Variants in HM13 observed in about 807,000 individuals in gnomAD.
HM13 encodes the protein histocompatibility minor 13.
A neutral mutation model predicts 50.0 loss-of-function variants in HM13; 18 were observed. The ratio of observed to expected loss-of-function variants is 0.36; its 90% CI spans 0.25 to 0.53. HM13 has a LOEUF of 0.53. HM13 is among the 20% of genes least tolerant of loss of function. The pLI, the probability that HM13 is intolerant of heterozygous loss-of-function variation, is 0.90. For missense variants in HM13, 393 were observed against 552.4 expected (o/e 0.71, Z 2.89); for synonymous variants, 197 against 232.6 (o/e 0.85, Z 1.39).
intron 1 of HM13, among the ~76,000 whole-genome samples, chr20:31,518,310 C>T (rs571584097): frequency 4.0e-5 from 6 of 150,814 alleles, no homozygotes; most frequent in South Asian, 4.3e-4. Flanking sequence ...GCTGGGACTA[C>T]AGGCATGAGC....
chr20:31,524,378 G>T (rs1196536402), intron 1 of HM13, among the ~76,000 whole-genome samples: 1 of 152,210 alleles, frequency 6.6e-6, no homozygotes, highest in South Asian at 2.1e-4. Flanking sequence ...TACACTTTAT[G>T]TGTAGCATTT....
At chr20:31,533,971 C>T (rs1314869401) in intron 2 of HM13, among the ~76,000 whole-genome samples, 3 of 152,112 alleles carry the variant, frequency 2.0e-5, no homozygotes, top group Non-Finnish European at 4.4e-5. Flanking sequence ...CTTTAAACTC[C>T]CAGGCTCAGT....
At chr20:31,543,392 TCTC>T (rs1487881030) in intron 3 of HM13, among the ~76,000 whole-genome samples, 4 of 152,022 alleles carry the variant, frequency 2.6e-5, no homozygotes, top group African/African-American at 7.2e-5. Context: ...TTCAAGCAAT[TCTC>T]CTGCCTCAGG....
chr20:31,524,027 G>A (rs531198281), intron 1 of HM13, among the ~76,000 whole-genome samples: 1 of 152,108 alleles, frequency 6.6e-6, no homozygotes, highest in African/African-American at 2.4e-5. Context: ...CCCAATACAG[G>A]CACAGTACTT....
At chr20:31,550,999 T>C (rs1984009328) in intron 7 of HM13, among the ~76,000 whole-genome samples, 1 of 152,200 alleles carries the variant, frequency 6.6e-6, no homozygotes, top group Admixed American at 6.5e-5. Context: ...TATGTATAAA[T>C]ATATATGTGT....
chr20:31,557,703 C>CTTTTTTTTTTTTTTTTTTTTTT (rs1180267680), intron 8 of HM13, among the ~76,000 whole-genome samples: 1 of 80,906 alleles, frequency 1.2e-5, no homozygotes, highest in Non-Finnish European at 2.2e-5. Flanking sequence ...GGCAGTGCTT[C>CTTTTTTTTTTTTTTTTTTTTTT]TTTTTTTTTT....
intron 8 of HM13, 128 bp downstream of exon 8, chr20:31,554,957 G>A: frequency 2.4e-6 from 2 of 824,294 alleles, no homozygotes; most frequent in Admixed American, 4.7e-5. Flanking sequence ...ATCAGGCCAG[G>A]GATTGGTGAA....
intron 12 of HM13, 163 bp downstream of exon 12, chr20:31,568,387 T>C: frequency 2.8e-6 from 3 of 1,059,148 alleles, no homozygotes; most frequent in Non-Finnish European, 3.9e-6. Context: ...CACCGAGCCA[T>C]AGGGCTGGGA....
In HM13 at chr20:31,538,229, G is replaced by A; in HGVS notation, c.333G>A (p.Val111=). ...INLLLSMYFF[V]LGILALSHTI... is the part of the protein sequence containing the mutation. Reference sequence around the variant, plus strand: ...TCCTGCTGTCCATGTATTTCTTCGTGCTGGGAATCCTGGCCCTGTCCCACA... The same window carrying A: ...TCCTGCTGTCCATGTATTTCTTCGTACTGGGAATCCTGGCCCTGTCCCACA... The change falls in exon 3 of 13, where the codon GTG becomes GTA. Residue 111 remains valine (V), a synonymous_variant. Coordinates refer to ENST00000398174, the MANE Select transcript of HM13 (RefSeq NM_178581.3). 2 of 1,614,046 alleles carry A rather than the reference G, an allele frequency of 1.2e-6. No individual in the cohort carries two copies. The highest frequency in any genetic ancestry group is 2.2e-5 in the South Asian group (2 of 91,068).
chr20:31,553,049 G>A (rs1184139278), intron 7 of HM13, among the ~76,000 whole-genome samples: 8 of 152,098 alleles, frequency 5.3e-5, no homozygotes, highest in African/African-American at 1.2e-4. Context: ...TGTAATCCCA[G>A]CACTTTGGGA....
intron 2 of HM13, among the ~76,000 whole-genome samples, chr20:31,534,115 C>G (rs1982975764): frequency 6.6e-6 from 1 of 151,996 alleles, no homozygotes. Context: ...TGGCCTCATG[C>G]AATCCTCCCG....
intron 2 of HM13, among the ~76,000 whole-genome samples, chr20:31,530,441 T>G (rs909141682): frequency 6.6e-6 from 1 of 151,400 alleles, no homozygotes; most frequent in Admixed American, 6.6e-5. Context: ...ACAGAGTCTT[T>G]CTCTGTCGCC....
chr20:31,528,829 C>T (rs143227783), intron 2 of HM13, among the ~76,000 whole-genome samples: 2,071 of 152,330 alleles, frequency 0.014, 55 homozygotes, highest in African/African-American at 0.046. Context: ...AGTCTGGTCT[C>T]AAACTCCTGG....
intron 12 of HM13, 188 bp downstream of exon 12, chr20:31,568,412 G>A (rs755353917): frequency 8.3e-4 from 642 of 772,882 alleles, no homozygotes; most frequent in Non-Finnish European, 1.2e-3. Context: ...GGACAACCCC[G>A]AAGCTTCCTG....
intron 8 of HM13, among the ~76,000 whole-genome samples, chr20:31,559,287 G>A (rs1187392008): frequency 1.3e-5 from 2 of 152,158 alleles, no homozygotes; most frequent in African/African-American, 2.4e-5. Flanking sequence ...TGGGAGCAGC[G>A]ATTTTGCCTA....
chr20:31,521,676 C>T (rs887373929), intron 1 of HM13, among the ~76,000 whole-genome samples: 1 of 147,282 alleles, frequency 6.8e-6, no homozygotes, highest in African/African-American at 2.6e-5. Context: ...TTGCAGTGAG[C>T]CAAGATTGCA....
At chr20:31,527,789 T>G (rs528666662) in intron 2 of HM13, 1 of 530,840 alleles carries the variant, frequency 1.9e-6, no homozygotes, top group Non-Finnish European at 3.3e-6. Flanking sequence ...CTTTTCTCCA[T>G]GTAGCTTTTT....
intron 3 of HM13, 175 bp downstream of exon 3, chr20:31,538,436 T>C: frequency 6.9e-7 from 1 of 1,441,480 alleles, no homozygotes; most frequent in Non-Finnish European, 9.2e-7. Flanking sequence ...AACAATGACC[T>C]CTCTGGGCCA....
At position 31,521,743 on chromosome 20, in the gene HM13, A is replaced by AAG. The variant is rs758386552; in HGVS notation, c.184-5740_184-5739insGA. 8.5e-3 allele frequency among the ~76,000 whole-genome samples: 1,292 copies of AAG among 151,606 alleles called. 23 individuals carry two copies. Among genetic ancestry groups the AAG allele is most frequent in the African/African-American group, 0.03 (1,225 of 41,102 alleles). ...GACTCCATCTCAAAAAAAAAAAAAAAAAGTACCTGCTTTGTGGGGTTTTTG... is the reference window on the plus strand; with the variant it reads ...GACTCCATCTCAAAAAAAAAAAAAAAAGAAGTACCTGCTTTGTGGGGTTTTTG... On this transcript the variant is annotated intron_variant, in intron 1 of 12. Transcript: ENST00000398174.
Sources: allele counts gnomAD v4.1 joint callset (sites outside exome capture counted in the v4.1 genomes callset), GRCh38; gene constraint gnomAD v4.1.1; transcripts MANE v1.5; gene names NCBI Gene and HGNC (gene_info 2026-07-23, HGNC 2026-07-21).